PAQR3: variants seen among roughly 807,000 people sequenced by gnomAD.
The protein encoded by PAQR3 is progestin and adipoQ receptor family member 3.
A neutral mutation model predicts 41.7 loss-of-function variants in PAQR3; 39 were observed. The observed-to-expected ratio is 0.93, with a 90% CI of 0.72 to 1.22. The LOEUF is 1.22. PAQR3 is among the 50% of genes most tolerant of loss of function. The pLI, the probability that PAQR3 is intolerant of heterozygous loss-of-function variation, is 0.00. For missense variants in PAQR3, 366 were observed against 385.6 expected, an observed-to-expected ratio of 0.95 and a Z score of 0.42; for synonymous variants, 140 against 140.6, an observed-to-expected ratio of 1.00 and a Z score of 0.03.
intron 11 of PAQR3, among the ~76,000 whole-genome samples, chr4:78,892,277 T>G (rs906186621): frequency 6.6e-6 from 1 of 152,214 alleles, no homozygotes; most frequent in Admixed American, 6.5e-5. Context: ...TAGGGCCGTT[T>G]AGATGTTCAG....
chr4:78,891,644 A>G (rs1733446897), intron 11 of PAQR3, among the ~76,000 whole-genome samples: 1 of 152,140 alleles, frequency 6.6e-6, no homozygotes, highest in Non-Finnish European at 1.5e-5. Flanking sequence ...TGCAAATAAC[A>G]TATTATTGGA....
Position 78,919,190 on chromosome 4 carries a change from A to G in PAQR3, c.*1349T>C. On this transcript the variant is annotated 3_prime_UTR_variant, in exon 6 of 6. Transcript: ENST00000512733. ...AGGCATTTTGGGAATAAGCTTCATC[A>G]TCAATTAACATTTTTTCTGATATTC... 1 of 985,160 alleles carries G rather than the reference A, an allele frequency of 1.0e-6. No homozygotes were observed. The highest frequency in any genetic ancestry group is 1.1e-4 in the East Asian group (1 of 8,814). The allele number at this position is 985,160 out of a possible 1,614,324, so 61.0% of individuals were successfully genotyped here. A position where few individuals can be genotyped will look rare whatever the true frequency, so the allele number is the denominator to read the frequency against.
rs898898888 is a variant in PAQR3 at position 78,917,073 on chromosome 4, A to T, written c.*3466T>A. On this transcript the variant is annotated 3_prime_UTR_variant, in exon 6 of 6. Coordinates refer to ENST00000512733, the MANE Select transcript of PAQR3 (RefSeq NM_001040202.2). The stretch of plus-strand genomic sequence containing the variant: ...ATTAGAAAAGTTCTATTAACAAAGA[A>T]TAGTTTGCAGTGTATTACTGTTCAA... 1 of 151,976 alleles carries T rather than the reference A, an allele frequency of 6.6e-6. No individual in the cohort carries two copies. Among genetic ancestry groups the T allele is most frequent in the African/African-American group, 2.4e-5 (1 of 41,436 alleles). The allele number at this position is 151,976 out of a possible 1,614,324, so 9.4% of individuals were successfully genotyped here. A position where few individuals can be genotyped will look rare whatever the true frequency, so the allele number is the denominator to read the frequency against.
In PAQR3 at chr4:78,916,159, C is replaced by T. The variant is rs930110005; in HGVS notation, c.*4380G>A. On this transcript the variant is annotated 3_prime_UTR_variant, in exon 6 of 6. Coordinates refer to ENST00000512733, the MANE Select transcript of PAQR3 (RefSeq NM_001040202.2). The stretch of plus-strand genomic sequence containing the variant: ...TAGACTCAGTCTCCCCCTCCCACCC[C>T]TTTTCCCCTGCCATATCTAATTAAG... 1 of 151,950 alleles carries T rather than the reference C, an allele frequency of 6.6e-6. No individual in the cohort carries two copies. The highest frequency in any genetic ancestry group is 1.5e-5 in the Non-Finnish European group (1 of 67,870). 9.4% of individuals were successfully genotyped at this position (151,950 alleles called of 1,614,324 possible).
chr4:78,937,293 C>T (rs1035088324), intron 1 of PAQR3, among the ~76,000 whole-genome samples: 2 of 152,190 alleles, frequency 1.3e-5, no homozygotes, highest in Admixed American at 6.5e-5. Flanking sequence ...AAACTGCATG[C>T]TTTCTGCAGG....
chr4:78,929,201 C>T (rs1736562876), intron 3 of PAQR3, among the ~76,000 whole-genome samples: 1 of 152,168 alleles, frequency 6.6e-6, no homozygotes, highest in Non-Finnish European at 1.5e-5. Flanking sequence ...TTGGGCAGGA[C>T]AGGCTCTATT....
At chr4:78,891,113 A>C (rs1733410288) in intron 11 of PAQR3, among the ~76,000 whole-genome samples, 1 of 152,198 alleles carries the variant, frequency 6.6e-6, no homozygotes, top group South Asian at 2.1e-4. Context: ...ATAATTTGGC[A>C]GGGCAAATAA....
At chr4:78,908,768 TTGTG>T (rs779101059), downstream of PAQR3, among the ~76,000 whole-genome samples, 4 of 152,210 alleles carry the variant, frequency 2.6e-5, no homozygotes, top group Non-Finnish European at 5.9e-5. Flanking sequence ...TCATTAAAAT[TTGTG>T]TGTGGGTACA....
intron 12 of PAQR3, among the ~76,000 whole-genome samples, chr4:78,887,530 TTATTATTGGATACTGTTGAAAA>T (rs1365938151): frequency 2.6e-5 from 4 of 152,228 alleles, no homozygotes; most frequent in African/African-American, 9.6e-5. Flanking sequence ...CTTTTCATCT[TTATTATTGGATACTGTTGAAAA>T]AAATATTTAA....
At chr4:78,936,506 G>A (rs1321615383) in intron 1 of PAQR3, among the ~76,000 whole-genome samples, 2 of 152,114 alleles carry the variant, frequency 1.3e-5, no homozygotes, top group Non-Finnish European at 2.9e-5. Flanking sequence ...ATACGTCAAC[G>A]CTTACTAGTA....
chr4:78,895,501 T>G (rs1733655297), intron 11 of PAQR3, among the ~76,000 whole-genome samples: 1 of 151,956 alleles, frequency 6.6e-6, no homozygotes, highest in Non-Finnish European at 1.5e-5. Context: ...TACTTGACAT[T>G]GAGGATTCCC....
At chr4:78,895,717 T>C (rs1381989686) in intron 11 of PAQR3, among the ~76,000 whole-genome samples, 1 of 152,168 alleles carries the variant, frequency 6.6e-6, no homozygotes, top group Non-Finnish European at 1.5e-5. Flanking sequence ...AAAAGGACTA[T>C]AATATCATTG....
In PAQR3 at chr4:78,919,620, A is replaced by T; in HGVS notation, c.*919T>A. On this transcript the variant is annotated 3_prime_UTR_variant, in exon 6 of 6. Transcript: ENST00000512733. Reference sequence around the variant, plus strand: ...TTTCAGGGTCAAGACAGGGCCATCTAGATTCTATGGCCTTGCAAGTAGCAC... The same window carrying T: ...TTTCAGGGTCAAGACAGGGCCATCTTGATTCTATGGCCTTGCAAGTAGCAC... 1 of 985,112 alleles carries T rather than the reference A, an allele frequency of 1.0e-6. No homozygotes were observed. The highest frequency in any genetic ancestry group is 1.2e-6 in the Non-Finnish European group (1 of 829,772). 61.0% of individuals were successfully genotyped at this position (985,112 alleles called of 1,614,324 possible). A position where few individuals can be genotyped will look rare whatever the true frequency, so the allele number is the denominator to read the frequency against.
downstream of PAQR3, chr4:78,911,047 A>G: frequency 6.2e-7 from 1 of 1,613,894 alleles, no homozygotes. Flanking sequence ...AGATCTTAAT[A>G]CAATACTCCT....
rs533532359 is a variant in PAQR3, at chr4:78,912,171, C to G, written c.*8368G>C. On this transcript the variant is annotated 3_prime_UTR_variant, in exon 6 of 6. Coordinates refer to ENST00000512733, the MANE Select transcript of PAQR3 (RefSeq NM_001040202.2). ...TCAGAATAGGTGATTTCTAAATAAA[C>G]CAAATAGAAGAATGAAGTATCTCTA... The G allele has an allele frequency of 1.3e-6, 1 of 786,274 alleles. No homozygotes were observed. Among genetic ancestry groups the G allele is most frequent in the Non-Finnish European group, 2.0e-6 (1 of 488,206 alleles). 48.7% of individuals were successfully genotyped at this position (786,274 alleles called of 1,614,324 possible).
rs181554788 is a variant in PAQR3 at position 78,923,499 on chromosome 4, T to C, written c.793+358A>G. ...CTTGCTTTATATATCTCTGCATATA[T>C]AAATTACTTTTAAAGAACCAGCTGG... On this transcript the variant is annotated intron_variant, in intron 5 of 5. Coordinates refer to ENST00000512733, the MANE Select transcript of PAQR3 (RefSeq NM_001040202.2). The C allele has an allele frequency of 8.6e-5, 24 of 277,594 alleles. 2 individuals are homozygous for C. Among genetic ancestry groups the C allele is most frequent in the African/African-American group, 5.5e-4 (24 of 44,002 alleles). The allele number at this position is 277,594 out of a possible 1,614,324, so 17.2% of individuals were successfully genotyped here. A position where few individuals can be genotyped will look rare whatever the true frequency, so the allele number is the denominator to read the frequency against.
rs981087437 is a variant in PAQR3, at chr4:78,890,173, GA to G, written c.*837-2026del. ...GTCAGATTTAACAAGATTTGAAATG[GA>G]AAAAAAAAAATCACTTCCTTTCCTG... On this transcript the variant is annotated intron_variant and NMD_transcript_variant, in intron 11 of 12. Transcript: ENST00000342820. Among the ~76,000 whole-genome samples, 1,208 of 145,970 alleles carry G rather than the reference GA, an allele frequency of 8.3e-3. 10 individuals are homozygous for G. Among genetic ancestry groups the G allele is most frequent in the African/African-American group, 0.019 (764 of 40,050 alleles).
intron 11 of PAQR3, among the ~76,000 whole-genome samples, chr4:78,900,557 A>G (rs900517107): frequency 6.6e-6 from 1 of 152,224 alleles, no homozygotes; most frequent in African/African-American, 2.4e-5. Flanking sequence ...GGTTTGTGAT[A>G]GGGAATTAAG....
intron 11 of PAQR3, among the ~76,000 whole-genome samples, chr4:78,891,405 AC>A (rs1733429374): frequency 6.6e-6 from 1 of 152,100 alleles, no homozygotes; most frequent in East Asian, 1.9e-4. Flanking sequence ...AGTGGGCCTT[AC>A]TTATTTAGCC....
Sources: gnomAD v4.1 joint callset for allele counts (sites outside exome capture counted in the v4.1 genomes callset) on GRCh38, gnomAD v4.1.1 for gene constraint, MANE v1.5 for transcripts, NCBI Gene and HGNC (gene_info 2026-07-23, HGNC 2026-07-21) for gene names.